The following SLC16A10 variants were observed in gnomAD, a reference collection of about 807,000 sequenced individuals.
The protein encoded by SLC16A10 is monocarboxylate transporter 10.
In SLC16A10, 27 loss-of-function variants were observed where a neutral mutation model predicts 40.0. The observed-to-expected ratio is 0.67, with a 90% CI of 0.50 to 0.93. The LOEUF (loss-of-function observed/expected upper bound fraction) is 0.93. Among genes scored for constraint, SLC16A10 ranks in the 40% least tolerant of loss-of-function variants. The probability of loss-of-function intolerance (pLI) is 0.00; values close to 1 mark genes in which losing one functional copy is unlikely to be tolerated. For synonymous variants in SLC16A10, 213 were observed against 249.8 expected (o/e 0.85, Z 1.39); for missense variants, 529 against 658.2 (o/e 0.80, Z 2.15).
Position 111,148,312 on chromosome 6 carries a change from C to T in SLC16A10, c.344-24383C>T, listed in dbSNP as rs1300667293. ...ATTGACTTGCAACTCAGCCTGTGTACGCAGTTTATGGTTTTTCTTGGCAGG... is the reference window on the plus strand; with the variant it reads ...ATTGACTTGCAACTCAGCCTGTGTATGCAGTTTATGGTTTTTCTTGGCAGG... On this transcript the variant is annotated intron_variant, in intron 1 of 5. Coordinates refer to ENST00000368851, the MANE Select transcript of SLC16A10 (RefSeq NM_018593.5). Among the ~76,000 whole-genome samples the T allele has an allele frequency of 3.9e-5, 6 of 152,156 alleles. No individual in the cohort carries two copies. The South Asian group carries it at 8.3e-4, about 21-fold the overall frequency.
At chr6:111,194,344 G>A (rs1773045095) in intron 3 of SLC16A10, among the ~76,000 whole-genome samples, 11 of 152,118 alleles carry the variant, frequency 7.2e-5, no homozygotes, top group Admixed American at 7.2e-4. Flanking sequence ...TTAATGACAA[G>A]GTGAGGTTTA....
intron 1 of SLC16A10, among the ~76,000 whole-genome samples, chr6:111,134,829 C>G (rs1324356884): frequency 1.3e-5 from 2 of 152,210 alleles, no homozygotes; most frequent in Admixed American, 1.3e-4. Flanking sequence ...AGCAGCAGGA[C>G]TGAGGGTGCC....
At chr6:111,159,386 A>G (rs924397025) in intron 1 of SLC16A10, among the ~76,000 whole-genome samples, 2 of 152,206 alleles carry the variant, frequency 1.3e-5, no homozygotes, top group Non-Finnish European at 1.5e-5. Context: ...CACATGTGCA[A>G]AATTTCTCTG....
chr6:111,108,041 T>C (rs1339992347), intron 1 of SLC16A10, among the ~76,000 whole-genome samples: 5 of 151,934 alleles, frequency 3.3e-5, no homozygotes, highest in South Asian at 2.1e-4. Context: ...TTTTTTTTAG[T>C]TGGAGTCTTA....
chr6:111,089,484 C>T (rs894091944), intron 1 of SLC16A10, among the ~76,000 whole-genome samples: 3 of 152,180 alleles, frequency 2.0e-5, no homozygotes, highest in Admixed American at 6.5e-5. Flanking sequence ...TATTCTTGTA[C>T]ACTCTCGTTA....
chr6:111,213,318 G>C (rs1390065074), intron 4 of SLC16A10, among the ~76,000 whole-genome samples: 1 of 151,222 alleles, frequency 6.6e-6, no homozygotes, highest in African/African-American at 2.4e-5. Context: ...AGTGAGAAGA[G>C]GTTGTAGGAA....
At chr6:111,172,969 T>C (rs1025603271) in intron 2 of SLC16A10, 130 bp downstream of exon 2, 17 of 1,176,984 alleles carry the variant, frequency 1.4e-5, no homozygotes, top group Non-Finnish European at 1.7e-5. Context: ...GCAATATGAC[T>C]TATAAAACAA....
chr6:111,113,088 A>G lies in SLC16A10; in HGVS notation c.343+24993A>G. Among the ~76,000 whole-genome samples, 3 of 152,300 alleles carry G rather than the reference A, an allele frequency of 2.0e-5. No individual in the cohort carries two copies. In the Middle Eastern group the frequency reaches 0.01, roughly 518 times the overall value. On this transcript the variant is annotated intron_variant, in intron 1 of 5. Transcript: ENST00000368851. ...CTAGAATTTAAAATATTAAATTTTA[A>G]AAGATAAAAAGATGCAGTTTACCTA...
chr6:111,098,203 A>G (rs1286338469), intron 1 of SLC16A10, among the ~76,000 whole-genome samples: 1,962 of 151,850 alleles, frequency 0.013, no homozygotes, highest in African/African-American at 0.046. Context: ...CTACTGGGGA[A>G]GCTGAGGTAG....
intron 1 of SLC16A10, among the ~76,000 whole-genome samples, chr6:111,141,964 G>C (rs1771990881): frequency 6.6e-6 from 1 of 152,140 alleles, no homozygotes; most frequent in Admixed American, 6.5e-5. Flanking sequence ...AGTTTATGTG[G>C]ACAGGCAAAA....
chr6:111,120,037 G>T (rs926866366), intron 1 of SLC16A10, among the ~76,000 whole-genome samples: 1 of 152,180 alleles, frequency 6.6e-6, no homozygotes, highest in Admixed American at 6.5e-5. Flanking sequence ...TGGAAATGTA[G>T]ACTAGAAATA....
chr6:111,154,796 C>T (rs1230592661), intron 1 of SLC16A10, among the ~76,000 whole-genome samples: 1 of 151,992 alleles, frequency 6.6e-6, no homozygotes, highest in Non-Finnish European at 1.5e-5. Context: ...AGTTCGAGAC[C>T]AGCCTGGCCA....
intron 1 of SLC16A10, among the ~76,000 whole-genome samples, chr6:111,110,254 A>G (rs1771361582): frequency 1.3e-5 from 2 of 151,976 alleles, no homozygotes; most frequent in South Asian, 4.2e-4. Context: ...TGGGAGGAAG[A>G]GATAGGGGTA....
chr6:111,177,003 C>T (rs775242970), intron 2 of SLC16A10, among the ~76,000 whole-genome samples: 2 of 151,864 alleles, frequency 1.3e-5, no homozygotes, highest in African/African-American at 4.8e-5. Flanking sequence ...TTCACATATT[C>T]AGATTAAATT....
chr6:111,087,995 C>T lies in SLC16A10; in HGVS notation c.243C>T (p.Asn81=). The T allele has an allele frequency of 6.2e-7, 1 of 1,611,402 alleles. No individual in the cohort carries two copies. Among genetic ancestry groups the T allele is most frequent in the East Asian group, 2.2e-5 (1 of 44,714 alleles). Residue 81 remains asparagine, a synonymous_variant, in exon 1 of 6, where the codon AAC becomes AAT. Transcript: ENST00000368851. ...WLVMLAAMWC[N]GSVFGIQNAC... ...TGATGCTGGCGGCCATGTGGTGCAA[C>T]GGGTCGGTGTTCGGCATCCAGAACG...
chr6:111,202,992 C>T (rs955056731), intron 3 of SLC16A10, among the ~76,000 whole-genome samples: 11 of 151,388 alleles, frequency 7.3e-5, no homozygotes, highest in African/African-American at 2.2e-4. Flanking sequence ...TAAACAACTG[C>T]TCTACAGCAT....
chr6:111,216,759 CAT>C (rs1034785153), intron 4 of SLC16A10, among the ~76,000 whole-genome samples: 2 of 152,028 alleles, frequency 1.3e-5, no homozygotes, highest in Non-Finnish European at 2.9e-5. Flanking sequence ...ACCATAAGAC[CAT>C]AGTTTAGTGA....
intron 1 of SLC16A10, among the ~76,000 whole-genome samples, chr6:111,089,946 TGA>T (rs1237400493): frequency 2.4e-5 from 3 of 124,662 alleles, no homozygotes; most frequent in Non-Finnish European, 5.0e-5. Flanking sequence ...TTTTTTTTTT[TGA>T]GAGAGAGAGA....
intron 1 of SLC16A10, among the ~76,000 whole-genome samples, chr6:111,137,474 C>T (rs1167838213): frequency 3.3e-5 from 5 of 152,196 alleles, no homozygotes; most frequent in Non-Finnish European, 7.3e-5. Flanking sequence ...CTTTAACCTC[C>T]TTGTTAAGTT....
Sources: allele counts gnomAD v4.1 joint callset (sites outside exome capture counted in the v4.1 genomes callset), GRCh38; gene constraint gnomAD v4.1.1; transcripts MANE v1.5; gene names NCBI Gene and HGNC (gene_info 2026-07-23, HGNC 2026-07-21).